The following PDE8A variants were observed in gnomAD, a reference collection of about 807,000 sequenced individuals.
PDE8A encodes phosphodiesterase 8A, also known as high affinity cAMP-specific and IBMX-insensitive 3',5'-cyclic phosphodiesterase 8A.
A neutral mutation model predicts 105.0 loss-of-function variants in PDE8A; 59 were observed. That is an observed-to-expected ratio of 0.56 (90% confidence interval 0.46 to 0.70). The LOEUF is 0.70. Ranked by LOEUF, PDE8A falls within the 30% of genes least tolerant of loss-of-function variation. The probability of loss-of-function intolerance (pLI) is 0.00; values close to 1 mark genes in which losing one functional copy is unlikely to be tolerated. For synonymous variants in PDE8A, 355 were observed against 371.9 expected (o/e 0.95, Z 0.52); for missense variants, 1,014 against 1,045.9 (o/e 0.97, Z 0.42).
intron 1 of PDE8A, among the ~76,000 whole-genome samples, chr15:85,012,588 A>G (rs1001571397): frequency 1.3e-5 from 2 of 151,316 alleles, no homozygotes; most frequent in Non-Finnish European, 2.9e-5. Context: ...TAGGAGATAT[A>G]CCTAATGCTA....
chr15:85,035,501 C>T (rs1400964964), intron 1 of PDE8A, among the ~76,000 whole-genome samples: 5 of 152,070 alleles, frequency 3.3e-5, no homozygotes, highest in South Asian at 2.1e-4. Context: ...TGAGCCACCG[C>T]GCCGGGCCCT....
chr15:85,126,179 A>C, intron 19 of PDE8A, 28 bp from the exon 20 acceptor site: 1 of 1,575,088 alleles, frequency 6.3e-7, no homozygotes, highest in Non-Finnish European at 8.7e-7. Context: ...ATCCATTTTG[A>C]TTGCTTTGAA....
chr15:85,016,422 C>G (rs2080325941), intron 1 of PDE8A, among the ~76,000 whole-genome samples: 1 of 152,096 alleles, frequency 6.6e-6, no homozygotes, highest in South Asian at 2.1e-4. Flanking sequence ...ATTCCCAGCA[C>G]CACTTATTTT....
At chr15:85,091,901 CTTTTTTTTT>C (rs563631633) in intron 8 of PDE8A, among the ~76,000 whole-genome samples, 1 of 88,390 alleles carries the variant, frequency 1.1e-5, no homozygotes, top group African/African-American at 4.4e-5. Context: ...TTCTGCTGGA[CTTTTTTTTT>C]TTTTTTTTTT....
At chr15:85,031,532 A>G (rs560839280) in intron 1 of PDE8A, among the ~76,000 whole-genome samples, 1 of 152,132 alleles carries the variant, frequency 6.6e-6, no homozygotes, top group South Asian at 2.1e-4. Context: ...CACTTAAACC[A>G]TCTTCTGAGT....
intron 1 of PDE8A, among the ~76,000 whole-genome samples, chr15:85,043,890 G>C (rs1394123285): frequency 6.6e-6 from 1 of 152,000 alleles, no homozygotes; most frequent in Non-Finnish European, 1.5e-5. Context: ...GTAGAGACAG[G>C]GTTTCACCAT....
Position 85,076,906 on chromosome 15 carries a change from C to A in PDE8A, c.546+119C>A, listed in dbSNP as rs369072252. 30 of 696,320 alleles carry A rather than the reference C, an allele frequency of 4.3e-5. No homozygotes were observed. In the East Asian group the frequency reaches 6.8e-4, roughly 16 times the overall value. 43.1% of individuals were successfully genotyped at this position (696,320 alleles called of 1,614,324 possible). On this transcript the variant is annotated intron_variant, in intron 5 of 21. Transcript: ENST00000394553. ...GAAGAAAAAAAATTGTCTGGCCAGG[C>A]GTGGTGGCTCATACCTGTAATCCCA...
At position 85,117,443 on chromosome 15, in the gene PDE8A, G is replaced by A. The variant is rs369794069; in HGVS notation, c.1536-198G>A. ...TGCTGTGGGCAGCCAGCTCTCACCC[G>A]TGCATCATGGTCCCCTGAGGGCAAG... On this transcript the variant is annotated intron_variant, in intron 16 of 21. Coordinates refer to ENST00000394553, the MANE Select transcript of PDE8A (RefSeq NM_002605.3). 5.5e-4 allele frequency among the ~76,000 whole-genome samples: 83 copies of A among 152,264 alleles called. No homozygotes were observed. The South Asian group carries it at 0.016, about 29-fold the overall frequency.
chr15:85,083,185 C>G (rs1256447700), intron 5 of PDE8A, among the ~76,000 whole-genome samples: 1 of 152,210 alleles, frequency 6.6e-6, no homozygotes, highest in Non-Finnish European at 1.5e-5. Flanking sequence ...TGAATATACT[C>G]TGAAAGCCTA....
intron 8 of PDE8A, among the ~76,000 whole-genome samples, chr15:85,092,654 C>G (rs1396008988): frequency 6.6e-6 from 1 of 152,002 alleles, no homozygotes; most frequent in Non-Finnish European, 1.5e-5. Flanking sequence ...CCTTGTACAC[C>G]TTGATGTGGC....
At chr15:85,003,482 A>G (rs1277293884) in intron 1 of PDE8A, among the ~76,000 whole-genome samples, 4 of 152,196 alleles carry the variant, frequency 2.6e-5, no homozygotes, top group Non-Finnish European at 5.9e-5. Context: ...GATAGTTGCA[A>G]TGAGGGGGAG....
Position 85,089,360 on chromosome 15 carries a change from G to A in PDE8A, c.658G>A (p.Ala220Thr). ...AAGGGCTTGTAACTCAGTATTCACT[G>A]CATTAGAAAACAGTGAAGATGCAAT... ...KLRACNSVFT[A>T]LENSEDAIEI... Residue 220 changes from alanine to threonine, a missense_variant, in exon 7 of 22, where the codon GCA becomes ACA. Ala to Thr is a moderately conservative substitution (Grantham distance 58, BLOSUM62 0). Transcript: ENST00000394553. 1 of 1,587,378 alleles carries A rather than the reference G, an allele frequency of 6.3e-7. No individual in the cohort carries two copies. The highest frequency in any genetic ancestry group is 8.6e-7 in the Non-Finnish European group (1 of 1,158,238).
At chr15:85,135,323 C>A (rs1567309403) in intron 20 of PDE8A, among the ~76,000 whole-genome samples, 1 of 152,026 alleles carries the variant, frequency 6.6e-6, no homozygotes, top group East Asian at 1.9e-4. Flanking sequence ...CTACCCTTCT[C>A]CCTTACCACA....
intron 6 of PDE8A, 64 bp downstream of exon 6, chr15:85,083,708 T>C (rs1224918576): frequency 1.7e-5 from 17 of 1,012,928 alleles, no homozygotes; most frequent in Non-Finnish European, 1.9e-5. Flanking sequence ...GTGAGAACTT[T>C]GGTTGTGGGG....
At chr15:85,012,960 C>A (rs1281040982) in intron 1 of PDE8A, among the ~76,000 whole-genome samples, 1 of 152,144 alleles carries the variant, frequency 6.6e-6, no homozygotes, top group Non-Finnish European at 1.5e-5. Context: ...AGAACCTGAT[C>A]CACTGTTAAC....
chr15:85,137,983 C>A lies in PDE8A; in HGVS notation c.*80C>A. 1 of 846,562 alleles carries A rather than the reference C, an allele frequency of 1.2e-6. No individual in the cohort carries two copies. Among genetic ancestry groups the A allele is most frequent in the South Asian group, 1.4e-5 (1 of 69,668 alleles). The allele number at this position is 846,562 out of a possible 1,614,324, so 52.4% of individuals were successfully genotyped here. ...CTGAGGGCAGCCAGAGCTCCTTGGT[C>A]CTTTCAGTACTAGGCAGAACAGCCC... On this transcript the variant is annotated 3_prime_UTR_variant, in exon 22 of 22. Transcript: ENST00000394553.
chr15:85,104,814 C>T (rs2081923302), intron 11 of PDE8A, among the ~76,000 whole-genome samples: 1 of 152,096 alleles, frequency 6.6e-6, no homozygotes, highest in East Asian at 1.9e-4. Context: ...GAAAGTGAGG[C>T]AGGAAGACTG....
chr15:84,993,392 G>A lies in PDE8A; in HGVS notation c.186+11044G>A, dbSNP rs376714885. On this transcript the variant is annotated intron_variant, in intron 1 of 21. Transcript: ENST00000394553. ...CAGGAGGCAGAGTTTGTAGTGAGCC[G>A]AAATCGCGCCACTGCAGTCCAGCCT... is the stretch of plus-strand genomic sequence containing the variant. Among the ~76,000 whole-genome samples the A allele has an allele frequency of 7.1e-5, 9 of 126,400 alleles. No individual in the cohort carries two copies. The East Asian group carries it at 1.1e-3, about 16-fold the overall frequency. 82.9% of individuals were successfully genotyped at this position (126,400 alleles called of 152,430 possible).
chr15:85,045,971 C>T (rs28422178), intron 1 of PDE8A, among the ~76,000 whole-genome samples: 2 of 151,080 alleles, frequency 1.3e-5, no homozygotes, highest in Non-Finnish European at 2.9e-5. Flanking sequence ...CTTTCTGTTT[C>T]TAATAAAAGG....
Sources: gnomAD v4.1 joint callset for allele counts (sites outside exome capture counted in the v4.1 genomes callset) on GRCh38, gnomAD v4.1.1 for gene constraint, MANE v1.5 for transcripts, NCBI Gene and HGNC (gene_info 2026-07-23, HGNC 2026-07-21) for gene names.